ASAP2: variants seen among roughly 807,000 people sequenced by gnomAD.
ASAP2 encodes ArfGAP with SH3 domain, ankyrin repeat and PH domain 2.
ASAP2 carries 45 observed loss-of-function variants against 131.4 expected under a neutral mutation model. The ratio of observed to expected loss-of-function variants is 0.34; its 90% CI spans 0.27 to 0.44. The LOEUF is 0.44. Among genes scored for constraint, ASAP2 ranks in the 20% least tolerant of loss-of-function variants. ASAP2 has a pLI of 1.00. For synonymous variants in ASAP2, 510 were observed against 503.0 expected (o/e 1.01, Z -0.19); for missense variants, 1,011 against 1,297.0 (o/e 0.78, Z 3.39).
intron 1 of ASAP2, among the ~76,000 whole-genome samples, chr2:9,258,231 C>T (rs1010748825): frequency 6.0e-5 from 8 of 133,714 alleles, no homozygotes; most frequent in Admixed American, 7.5e-5. Context: ...GGTGACAGAG[C>T]GATACTTCAT....
intron 2 of ASAP2, among the ~76,000 whole-genome samples, chr2:9,289,646 G>A (rs1352765681): frequency 6.6e-6 from 1 of 152,112 alleles, no homozygotes; most frequent in African/African-American, 2.4e-5. Context: ...GAGGTCATTG[G>A]GGTGACGTTT....
rs900605513 is a variant in ASAP2, at chr2:9,270,448, G to A, written c.127-8869G>A. Among the ~76,000 whole-genome samples, 2 of 151,750 alleles carry A rather than the reference G, an allele frequency of 1.3e-5. 1 individual carries two copies. The highest frequency in any genetic ancestry group is 4.8e-5 in the African/African-American group (2 of 41,248). On this transcript the variant is annotated intron_variant, in intron 1 of 27. Coordinates refer to ENST00000281419, the MANE Select transcript of ASAP2 (RefSeq NM_003887.3). Reference sequence around the variant, plus strand: ...TTTTTTTTAAATTTTTGATTATTGTGGGTACGTGGTATATATTTTTATGGG... The same window carrying A: ...TTTTTTTTAAATTTTTGATTATTGTAGGTACGTGGTATATATTTTTATGGG...
chr2:9,248,180 C>T (rs944873053), intron 1 of ASAP2, among the ~76,000 whole-genome samples: 1 of 152,206 alleles, frequency 6.6e-6, no homozygotes, highest in Non-Finnish European at 1.5e-5. Flanking sequence ...AGTGTGGTGG[C>T]CAGCAGTTCT....
chr2:9,355,112 T>C (rs954027216), intron 12 of ASAP2, among the ~76,000 whole-genome samples: 10 of 152,242 alleles, frequency 6.6e-5, no homozygotes, highest in African/African-American at 2.4e-4. Context: ...TATCCAATCA[T>C]ATTTATGTAG....
chr2:9,265,838 T>A (rs1350419693), intron 1 of ASAP2, among the ~76,000 whole-genome samples: 2 of 152,352 alleles, frequency 1.3e-5, no homozygotes, highest in Non-Finnish European at 2.9e-5. Flanking sequence ...AATGGCACGA[T>A]CTTGACTCAC....
At position 9,335,164 on chromosome 2, in the gene ASAP2, G is replaced by C; in HGVS notation, c.834G>C (p.Gln278His). ...QLRDILKSAL[Q>H]VEQKEDSQIR... Reference sequence around the variant, plus strand: ...GAGATATTTTGAAATCCGCATTGCAGGTTGAACAGAAAGAGGTGAGGGGAT... The same window carrying C: ...GAGATATTTTGAAATCCGCATTGCACGTTGAACAGAAAGAGGTGAGGGGAT... The change falls in exon 9 of 28, where the codon CAG becomes CAC. Residue 278 changes from glutamine to histidine, a missense_variant. Coordinates refer to ENST00000281419, the MANE Select transcript of ASAP2 (RefSeq NM_003887.3). The C allele has an allele frequency of 6.2e-7, 1 of 1,614,144 alleles. No individual in the cohort carries two copies. Among genetic ancestry groups the C allele is most frequent in the Non-Finnish European group, 8.5e-7 (1 of 1,179,994 alleles).
Position 9,207,415 on chromosome 2 carries a change from C to A in ASAP2, c.126+185C>A, listed in dbSNP as rs377163614. On this transcript the variant is annotated intron_variant, in intron 1 of 27. Transcript: ENST00000281419. This position sits in a 1 kb window ranked among gnomAD's most constrained non-coding sequence, Gnocchi z 4.1. Reference sequence around the variant, plus strand: ...TGGCTCGGAGGAGATGGGTGATGGCCACCTTGGGCCTCTTTAAGACCTCCC... The same window carrying A: ...TGGCTCGGAGGAGATGGGTGATGGCAACCTTGGGCCTCTTTAAGACCTCCC... 6.6e-6 allele frequency among the ~76,000 whole-genome samples: 1 copy of A among 152,164 alleles called. No homozygotes were observed. Among genetic ancestry groups the A allele is most frequent in the East Asian group, 1.9e-4 (1 of 5,172 alleles).
chr2:9,256,537 A>G (rs1322074058), intron 1 of ASAP2, among the ~76,000 whole-genome samples: 1 of 152,216 alleles, frequency 6.6e-6, no homozygotes, highest in Non-Finnish European at 1.5e-5. Flanking sequence ...GAGAGTTGAA[A>G]CAAATTTCTT....
chr2:9,254,254 T>TATATATATATATATATTATATATAC (rs1553297027), intron 1 of ASAP2, among the ~76,000 whole-genome samples: 36 of 65,740 alleles, frequency 5.5e-4, no homozygotes, highest in African/African-American at 2.5e-3. Context: ...TATATATATA[T>TATATATATATATATATTATATATAC]ACACGTGTGT....
chr2:9,388,439 A>T lies in ASAP2; in HGVS notation c.2276A>T (p.Gln759Leu), dbSNP rs746320644. 3 of 1,614,164 alleles carry T rather than the reference A, an allele frequency of 1.9e-6. No homozygotes were observed. The highest frequency in any genetic ancestry group is 2.2e-5 in the South Asian group (2 of 91,074). The part of the protein sequence containing the change: ...KQRAFMPSIL[Q>L]NETYGALLSG... The stretch of plus-strand genomic sequence containing the variant: ...AGGGCTTTCATGCCCAGCATCTTGC[A>T]GAATGAGACTTACGGAGCCCTCCTG... The change falls in exon 22 of 28, where the codon CAG (glutamine) becomes CTG (leucine). Residue 759 changes from glutamine to leucine, a missense_variant. By Grantham distance (113) the Gln-to-Leu change is moderately radical (BLOSUM62 -2). This residue lies in a region of ASAP2 where 652 missense variants were observed against 698.9 expected (regional missense o/e 0.93). Coordinates refer to ENST00000281419, the MANE Select transcript of ASAP2 (RefSeq NM_003887.3).
chr2:9,396,496 C>T (rs1205281899), intron 24 of ASAP2, among the ~76,000 whole-genome samples: 1 of 152,038 alleles, frequency 6.6e-6, no homozygotes, highest in African/African-American at 2.4e-5. Flanking sequence ...AGGCTGGTCT[C>T]GAACTCCTGG....
intron 3 of ASAP2, among the ~76,000 whole-genome samples, chr2:9,313,399 T>TC (rs1199682196): frequency 1.3e-5 from 2 of 152,162 alleles, no homozygotes; most frequent in Non-Finnish European, 2.9e-5. Flanking sequence ...ATCTTGTTTT[T>TC]CCCACTCACT....
chr2:9,221,253 A>C (rs1163631214), intron 1 of ASAP2, among the ~76,000 whole-genome samples: 2 of 151,910 alleles, frequency 1.3e-5, no homozygotes, highest in African/African-American at 4.8e-5. Flanking sequence ...GGGAGTATAG[A>C]CATCTTAACA....
intron 3 of ASAP2, among the ~76,000 whole-genome samples, chr2:9,298,313 G>A (rs1572384459): frequency 6.6e-6 from 1 of 152,158 alleles, no homozygotes; most frequent in South Asian, 2.1e-4. Flanking sequence ...TGATGACAGT[G>A]GTTTTGGGAG....
chr2:9,258,683 T>C (rs955503888), intron 1 of ASAP2, among the ~76,000 whole-genome samples: 1 of 152,232 alleles, frequency 6.6e-6, no homozygotes, highest in African/African-American at 2.4e-5. Flanking sequence ...CGGAAGCTGC[T>C]GACTCTCTTG....
intron 1 of ASAP2, among the ~76,000 whole-genome samples, chr2:9,242,826 G>A (rs1344651504): frequency 6.6e-6 from 1 of 152,158 alleles, no homozygotes; most frequent in Non-Finnish European, 1.5e-5. Context: ...TTGATTGTCC[G>A]ATGATTGTCA....
chr2:9,286,319 A>C (rs115304718), intron 2 of ASAP2, among the ~76,000 whole-genome samples: 5,448 of 152,072 alleles, frequency 0.036, 238 homozygotes, highest in African/African-American at 0.097. Flanking sequence ...GATTACATGA[A>C]CCTGGGAGGT....
intron 3 of ASAP2, among the ~76,000 whole-genome samples, chr2:9,300,058 C>A (rs1668385948): frequency 6.6e-6 from 1 of 152,146 alleles, no homozygotes; most frequent in African/African-American, 2.4e-5. Context: ...ATGGGGAACC[C>A]CTGTTTCTAC....
intron 15 of ASAP2, among the ~76,000 whole-genome samples, chr2:9,361,784 C>G (rs1463117607): frequency 6.6e-6 from 1 of 152,062 alleles, no homozygotes; most frequent in African/African-American, 2.4e-5. Flanking sequence ...AGGCTGGTCT[C>G]GAACTCCTGG....
Sources: gnomAD v4.1 joint callset for allele counts (sites outside exome capture counted in the v4.1 genomes callset) on GRCh38, gnomAD v4.1.1 for gene constraint, gnomAD v4.1.1 regional missense constraint, Gnocchi (gnomAD v3.1) non-coding constraint, MANE v1.5 for transcripts, NCBI Gene and HGNC (gene_info 2026-07-23, HGNC 2026-07-21) for gene names.